Variants in SYNCRIP observed in about 807,000 individuals in gnomAD.
The protein encoded by SYNCRIP is heterogeneous nuclear ribonucleoprotein Q.
In SYNCRIP, 9 loss-of-function variants were observed where a neutral mutation model predicts 68.9. The observed-to-expected ratio is 0.13, with a 90% CI of 0.08 to 0.23. The LOEUF is 0.23. SYNCRIP is among the 10% of genes least tolerant of loss of function. SYNCRIP has a pLI of 1.00. For missense variants in SYNCRIP, 414 were observed against 770.6 expected (o/e 0.54, Z 5.48); for synonymous variants, 258 against 254.0 (o/e 1.02, Z -0.15).
At chr6:85,636,292 A>C (rs1023292128) in intron 6 of SYNCRIP, among the ~76,000 whole-genome samples, 2 of 151,998 alleles carry the variant, frequency 1.3e-5, no homozygotes, top group Non-Finnish European at 2.9e-5. Context: ...TAAAAATATA[A>C]AAATTAGCCT....
In SYNCRIP at chr6:85,614,673, A is replaced by G; in HGVS notation, c.*83T>C. 1 of 1,459,070 alleles carries G rather than the reference A, an allele frequency of 6.9e-7. No individual in the cohort carries two copies. The highest frequency in any genetic ancestry group is 9.0e-7 in the Non-Finnish European group (1 of 1,105,004). The allele number at this position is 1,459,070 out of a possible 1,614,324, so 90.4% of individuals were successfully genotyped here. On this transcript the variant is annotated 3_prime_UTR_variant, in exon 11 of 11. Transcript: ENST00000369622. ...AAAGGGAAATCTTGCCAGATGTCAC[A>G]AATTATAGCGGCACCCGTTCAGATT...
intron 2 of SYNCRIP, 110 bp from the exon 3 acceptor site, chr6:85,640,674 C>T (rs1809022457): frequency 1.7e-6 from 1 of 589,824 alleles, no homozygotes; most frequent in Non-Finnish European, 2.8e-6. Context: ...TTCTACTCCC[C>T]TCATCTATAC....
chr6:85,614,149 C>A lies in SYNCRIP; in HGVS notation c.*607G>T. On this transcript the variant is annotated 3_prime_UTR_variant, in exon 11 of 11. Transcript: ENST00000369622. ...CTTTAATTGGCCTTGACATGCTATA[C>A]AATTTGAACCAAATTTGCAGGAAAT... 1.0e-6 allele frequency: 1 copy of A among 985,824 alleles called. No individual in the cohort carries two copies. Among genetic ancestry groups the A allele is most frequent in the African/African-American group, 1.7e-5 (1 of 57,326 alleles). The allele number at this position is 985,824 out of a possible 1,614,324, so 61.1% of individuals were successfully genotyped here. A position where few individuals can be genotyped will look rare whatever the true frequency, so the allele number is the denominator to read the frequency against.
At chr6:85,610,829 G>A (rs1375295952), downstream of SYNCRIP, 1 of 151,958 alleles carries the variant, frequency 6.6e-6, no homozygotes, top group African/African-American at 2.4e-5. Flanking sequence ...CATTATGTTA[G>A]AATGAAATGT....
chr6:85,640,392 G>A (rs920719804), intron 3 of SYNCRIP, 54 bp downstream of exon 3: 27 of 1,578,624 alleles, frequency 1.7e-5, no homozygotes, highest in African/African-American at 9.5e-5. Flanking sequence ...AAATTCAGCA[G>A]ATAGTATCAA....
chr6:85,640,857 G>C (rs150035501), intron 2 of SYNCRIP, among the ~76,000 whole-genome samples: 2 of 152,068 alleles, frequency 1.3e-5, no homozygotes, highest in African/African-American at 4.8e-5. Context: ...ACGAATCCTA[G>C]AATCAACCAA....
At chr6:85,624,226 C>G in intron 6 of SYNCRIP, 114 bp from the exon 7 acceptor site, 2 of 1,004,484 alleles carry the variant, frequency 2.0e-6, no homozygotes, top group Non-Finnish European at 2.9e-6. Flanking sequence ...ACCTTAATTC[C>G]CATACAAGGG....
At chr6:85,612,924 C>T, downstream of SYNCRIP, 2 of 1,550,742 alleles carry the variant, frequency 1.3e-6, no homozygotes, top group Non-Finnish European at 1.7e-6. Context: ...CTTTTCCCTG[C>T]TAGCCAGGTA....
intron 6 of SYNCRIP, 22 bp downstream of exon 6, chr6:85,636,945 A>T (rs1283544672): frequency 1.3e-6 from 2 of 1,565,728 alleles, no homozygotes; most frequent in Middle Eastern, 1.7e-4. Context: ...TGAAAACTGA[A>T]GGGGAAAAAA....
chr6:85,632,126 T>TA (rs1006120532), intron 6 of SYNCRIP, among the ~76,000 whole-genome samples: 1 of 152,202 alleles, frequency 6.6e-6, no homozygotes, highest in Non-Finnish European at 1.5e-5. Flanking sequence ...ATTAACCCAT[T>TA]TTTATAAGTC....
chr6:85,618,513 C>T (rs183207755), intron 10 of SYNCRIP, among the ~76,000 whole-genome samples: 2 of 152,180 alleles, frequency 1.3e-5, no homozygotes, highest in Admixed American at 6.5e-5. Context: ...TGCACTCCAG[C>T]CTGAGTGACA....
At chr6:85,621,745 T>TA (rs1806434994) in intron 8 of SYNCRIP, among the ~76,000 whole-genome samples, 4 of 152,132 alleles carry the variant, frequency 2.6e-5, no homozygotes, top group Admixed American at 1.3e-4. Flanking sequence ...TCAGGATACC[T>TA]AATAATGGCT....
At chr6:85,641,152 T>C in intron 2 of SYNCRIP, 140 bp downstream of exon 2, 1 of 674,310 alleles carries the variant, frequency 1.5e-6, no homozygotes. Flanking sequence ...TACTTCAAAC[T>C]TAAATTAACC....
intron 10 of SYNCRIP, among the ~76,000 whole-genome samples, chr6:85,616,163 G>A (rs771038714): frequency 3.3e-5 from 5 of 152,056 alleles, no homozygotes; most frequent in South Asian, 2.1e-4. Context: ...AGGACTAAAC[G>A]AAGTTACAAT....
chr6:85,620,423 G>A (rs549556005), intron 8 of SYNCRIP, among the ~76,000 whole-genome samples: 3 of 152,288 alleles, frequency 2.0e-5, no homozygotes, highest in African/African-American at 7.2e-5. Context: ...AAGCCAATGT[G>A]AAGGTTACAT....
chr6:85,611,995 AG>A (rs1805287603), downstream of SYNCRIP: 1 of 152,272 alleles, frequency 6.6e-6, no homozygotes, highest in South Asian at 2.1e-4. Context: ...GTCTTACAAA[AG>A]TAACATCTTG....
chr6:85,637,710 G>A (rs1255557867), intron 4 of SYNCRIP, among the ~76,000 whole-genome samples: 1 of 152,152 alleles, frequency 6.6e-6, no homozygotes, highest in East Asian at 1.9e-4. Flanking sequence ...TAATTTGGTT[G>A]AGCATCTTTC....
At position 85,622,507 on chromosome 6, in the gene SYNCRIP, T is replaced by G; in HGVS notation, c.983A>C (p.Asp328Ala). 1 of 1,614,114 alleles carries G rather than the reference T, an allele frequency of 6.2e-7. No individual in the cohort carries two copies. Among genetic ancestry groups the G allele is most frequent in the Non-Finnish European group, 8.5e-7 (1 of 1,180,042 alleles). Residue 328 changes from aspartate (D) to alanine (A), a missense_variant, in exon 8 of 11, where the codon GAT (aspartate) becomes GCT (alanine). By Grantham distance (126) the Asp-to-Ala change is moderately radical. Transcript: ENST00000369622. ...CTTTGCCATAACCTCAGGATCAGGA[T>G]CTTCTATAGGATCAGCCCATTCAAC... Reference protein sequence around the residue: ...GTVEWADPIEDPDPEVMAKVK... With the variant: ...GTVEWADPIEAPDPEVMAKVK...
chr6:85,616,144 C>T (rs1180216014), intron 10 of SYNCRIP, among the ~76,000 whole-genome samples: 1 of 152,142 alleles, frequency 6.6e-6, no homozygotes, highest in Non-Finnish European at 1.5e-5. Context: ...TGCTTACATA[C>T]TATGTAAAAG....
Sources: allele counts gnomAD v4.1 joint callset (sites outside exome capture counted in the v4.1 genomes callset), GRCh38; gene constraint gnomAD v4.1.1; transcripts MANE v1.5; gene names NCBI Gene and HGNC (gene_info 2026-07-23, HGNC 2026-07-21).